ANKRD11: variants seen among roughly 807,000 people sequenced by gnomAD.
The protein encoded by ANKRD11 is ankyrin repeat domain-containing protein 11.
In ANKRD11, 17 loss-of-function variants were observed where a neutral mutation model predicts 195.7. The ratio of observed to expected loss-of-function variants is 0.09; its 90% confidence interval spans 0.06 to 0.13. The LOEUF (loss-of-function observed/expected upper bound fraction) is 0.13, where lower values mean the gene tolerates loss of function less well. ANKRD11 is among the 10% of genes least tolerant of loss of function. The pLI is 1.00. For synonymous variants in ANKRD11, 1,953 were observed against 1,528.1 expected, an observed-to-expected ratio of 1.28 and a Z score of -6.49; for missense variants, 3,735 against 3,566.1, an observed-to-expected ratio of 1.05 and a Z score of -1.21.
chr16:89,294,182 G>A (rs1054958482), intron 4 of ANKRD11, among the ~76,000 whole-genome samples: 4 of 152,160 alleles, frequency 2.6e-5, no homozygotes, highest in African/African-American at 9.7e-5. Flanking sequence ...GCCTGAGTTG[G>A]CTTCCCTTAC....
intron 2 of ANKRD11, among the ~76,000 whole-genome samples, chr16:89,416,459 C>T (rs1043130104): frequency 6.6e-6 from 1 of 152,072 alleles, no homozygotes; most frequent in Non-Finnish European, 1.5e-5. Context: ...CCACCACGTC[C>T]GGTTAATATT....
chr16:89,304,909 C>A (rs2036086216), intron 4 of ANKRD11, among the ~76,000 whole-genome samples: 1 of 152,238 alleles, frequency 6.6e-6, no homozygotes, highest in South Asian at 2.1e-4. Context: ...AGAAGACCCA[C>A]AGGTGAGCAG....
intron 1 of ANKRD11, among the ~76,000 whole-genome samples, chr16:89,449,444 T>C (rs2043961588): frequency 6.6e-6 from 1 of 151,992 alleles, no homozygotes; most frequent in Non-Finnish European, 1.5e-5. Flanking sequence ...GGAAATGCGT[T>C]ATTTTTTTTT....
intron 2 of ANKRD11, among the ~76,000 whole-genome samples, chr16:89,348,122 G>C (rs1007295603): frequency 1.3e-5 from 2 of 151,936 alleles, no homozygotes; most frequent in African/African-American, 2.4e-5. Context: ...TGTACAGATA[G>C]GGTTTCACCA....
chr16:89,312,344 G>T (rs1329181908), intron 3 of ANKRD11, among the ~76,000 whole-genome samples: 1 of 152,240 alleles, frequency 6.6e-6, no homozygotes. Flanking sequence ...CCTCCAGTGG[G>T]AGGAGATGAG....
At chr16:89,269,367 A>T (rs1014489676) in intron 12 of ANKRD11, among the ~76,000 whole-genome samples, 1 of 152,164 alleles carries the variant, frequency 6.6e-6, no homozygotes, top group Non-Finnish European at 1.5e-5. Context: ...CAGTGTGATC[A>T]TGTCTGTCTC....
chr16:89,286,526 C>G (rs1433804478), intron 7 of ANKRD11: 13 of 569,448 alleles, frequency 2.3e-5, no homozygotes, highest in Non-Finnish European at 3.5e-5. Flanking sequence ...CTCACGAAGG[C>G]TCTCCCCTCC....
At chr16:89,453,727 CAA>C (rs1345284141) in intron 1 of ANKRD11, among the ~76,000 whole-genome samples, 1 of 152,170 alleles carries the variant, frequency 6.6e-6, no homozygotes, top group Non-Finnish European at 1.5e-5. Flanking sequence ...CAGCGGCAAA[CAA>C]AAGAGACCGG....
intron 2 of ANKRD11, among the ~76,000 whole-genome samples, chr16:89,401,929 G>A (rs2041708332): frequency 6.7e-6 from 1 of 150,174 alleles, no homozygotes; most frequent in Non-Finnish European, 1.5e-5. Flanking sequence ...AGAGAGGCCT[G>A]GAGCAGATGC....
chr16:89,418,109 C>T (rs1165788662), intron 2 of ANKRD11, among the ~76,000 whole-genome samples, 175 bp downstream of exon 2: 1 of 152,204 alleles, frequency 6.6e-6, no homozygotes, highest in Non-Finnish European at 1.5e-5. Flanking sequence ...AAATGCTTAC[C>T]TGTTACCACT....
chr16:89,404,641 A>G (rs1026403806), intron 2 of ANKRD11, among the ~76,000 whole-genome samples: 5 of 152,214 alleles, frequency 3.3e-5, no homozygotes, highest in African/African-American at 9.6e-5. Context: ...CGCAGTCACT[A>G]CTATGGATCC....
chr16:89,461,090 A>G (rs1408197045), intron 1 of ANKRD11, among the ~76,000 whole-genome samples: 6 of 147,260 alleles, frequency 4.1e-5, no homozygotes, highest in Non-Finnish European at 9.0e-5. Context: ...TCATAAGAGA[A>G]GAAAGGACAA....
chr16:89,336,324 G>A (rs951477473), intron 2 of ANKRD11, among the ~76,000 whole-genome samples: 9 of 152,254 alleles, frequency 5.9e-5, no homozygotes, highest in African/African-American at 1.4e-4. Flanking sequence ...GCACGCAACT[G>A]CCCGCACCTC....
chr16:89,277,496 T>C (rs2033754767), intron 9 of ANKRD11: 1 of 152,276 alleles, frequency 6.6e-6, no homozygotes, highest in Admixed American at 6.5e-5. Flanking sequence ...GTCAGACTAG[T>C]GTTATGATCC....
chr16:89,443,337 C>T (rs1254896228), intron 1 of ANKRD11: 1 of 127,022 alleles, frequency 7.9e-6, no homozygotes, highest in Non-Finnish European at 1.7e-5. Context: ...TTGGCCAGCA[C>T]ATGTACTAAA....
chr16:89,276,815 T>G (rs1021742802), intron 9 of ANKRD11, among the ~76,000 whole-genome samples: 1 of 152,122 alleles, frequency 6.6e-6, no homozygotes, highest in Non-Finnish European at 1.5e-5. Context: ...CCCAGCACTT[T>G]GGGAGGCTGA....
chr16:89,441,500 G>A (rs552187634), intron 1 of ANKRD11, among the ~76,000 whole-genome samples: 1 of 151,958 alleles, frequency 6.6e-6, no homozygotes, highest in African/African-American at 2.4e-5. Context: ...GGGCGCGGTG[G>A]CTCACGCCTG....
At chr16:89,416,237 G>C (rs1176003821) in intron 2 of ANKRD11, among the ~76,000 whole-genome samples, 1 of 152,236 alleles carries the variant, frequency 6.6e-6, no homozygotes, top group East Asian at 1.9e-4. Flanking sequence ...TCCAGGTCCT[G>C]TCAGCAGAGT....
chr16:89,392,144 T>TA (rs1261445738), intron 2 of ANKRD11, among the ~76,000 whole-genome samples: 2 of 152,148 alleles, frequency 1.3e-5, no homozygotes. Context: ...GCAGTTGGTA[T>TA]AAAAAAACCG....
Sources: allele counts gnomAD v4.1 joint callset (sites outside exome capture counted in the v4.1 genomes callset), GRCh38; gene constraint gnomAD v4.1.1; transcripts MANE v1.5; gene names NCBI Gene and HGNC (gene_info 2026-07-23, HGNC 2026-07-21).